Variants in MEIS2 observed in about 807,000 individuals in gnomAD.
MEIS2 encodes the protein Meis homeobox 2.
Under a neutral mutation model 58.6 loss-of-function variants are expected in MEIS2, and 9 were observed. The observed-to-expected ratio is 0.15, with a 90% CI of 0.09 to 0.27. The LOEUF is 0.27. Among genes scored for constraint, MEIS2 ranks in the 10% least tolerant of loss-of-function variants. The pLI, the probability that MEIS2 is intolerant of heterozygous loss-of-function variation, is 1.00. For synonymous variants in MEIS2, 221 were observed against 228.4 expected (o/e 0.97, Z 0.29); for missense variants, 427 against 635.0 (o/e 0.67, Z 3.52).
chr15:37,076,184 C>T (rs1319840586), intron 7 of MEIS2, among the ~76,000 whole-genome samples: 1 of 151,928 alleles, frequency 6.6e-6, no homozygotes, highest in Non-Finnish European at 1.5e-5. Context: ...AAGTGATTCT[C>T]CTACTACCCT....
rs376517593 is a variant in MEIS2 at position 37,051,411 on chromosome 15, A to G, written c.755-14452T>C. 9.8e-5 allele frequency among the ~76,000 whole-genome samples: 15 copies of G among 152,342 alleles called. No individual in the cohort carries two copies. The East Asian group carries it at 2.5e-3, about 25-fold the overall frequency. On this transcript the variant is annotated intron_variant, in intron 7 of 11. Transcript: ENST00000561208. Reference sequence around the variant, plus strand: ...AATATATTAAATTCTAGAAAATGCAAACTTATACATAATGACCAAAAGCAG... The same window carrying G: ...AATATATTAAATTCTAGAAAATGCAGACTTATACATAATGACCAAAAGCAG...
intron 8 of MEIS2, among the ~76,000 whole-genome samples, chr15:37,021,642 G>A (rs2061531010): frequency 6.6e-6 from 1 of 152,082 alleles, no homozygotes; most frequent in Non-Finnish European, 1.5e-5. Context: ...CAACCCCTTG[G>A]TGGGTTTCCA....
intron 8 of MEIS2, among the ~76,000 whole-genome samples, chr15:36,990,805 G>T (rs958576649): frequency 1.3e-5 from 2 of 151,754 alleles, no homozygotes; most frequent in African/African-American, 4.8e-5. Flanking sequence ...AGGGGGATAG[G>T]GCTTTTCAGG....
chr15:37,093,811 C>G, intron 5 of MEIS2, 81 bp from the exon 6 acceptor site: 4 of 1,579,452 alleles, frequency 2.5e-6, no homozygotes, highest in Non-Finnish European at 3.5e-6. Flanking sequence ...AGGAAAAATA[C>G]CAGGTTGCAA....
At chr15:37,078,535 A>C (rs1891727980) in intron 7 of MEIS2, among the ~76,000 whole-genome samples, 2 of 139,014 alleles carry the variant, frequency 1.4e-5, no homozygotes, top group South Asian at 4.6e-4. Flanking sequence ...TTTTAAAAAA[A>C]TCTAAATAAT....
intron 7 of MEIS2, among the ~76,000 whole-genome samples, chr15:37,067,737 A>C (rs1032011838): frequency 6.6e-6 from 1 of 152,136 alleles, no homozygotes; most frequent in African/African-American, 2.4e-5. Flanking sequence ...AACCCTGCCC[A>C]TGTTTGTATG....
At chr15:37,086,087 A>T (rs1892847977) in intron 6 of MEIS2, among the ~76,000 whole-genome samples, 1 of 152,242 alleles carries the variant, frequency 6.6e-6, no homozygotes, top group Admixed American at 6.5e-5. Context: ...CACAGCAATG[A>T]TGTTAATTTT....
chr15:36,903,123 TA>T (rs1308433159), intron 9 of MEIS2, among the ~76,000 whole-genome samples: 6 of 152,324 alleles, frequency 3.9e-5, no homozygotes, highest in African/African-American at 1.4e-4. Context: ...AATTATCTTT[TA>T]TTTCCTTTAC....
At chr15:37,075,077 T>A (rs900440769) in intron 7 of MEIS2, among the ~76,000 whole-genome samples, 1 of 152,008 alleles carries the variant, frequency 6.6e-6, no homozygotes, top group Non-Finnish European at 1.5e-5. Context: ...ATGACTTCCA[T>A]GAGGTCAATC....
intron 9 of MEIS2, among the ~76,000 whole-genome samples, chr15:36,943,493 C>A (rs534000638): frequency 6.6e-5 from 10 of 152,008 alleles, no homozygotes; most frequent in Non-Finnish European, 1.2e-4. Flanking sequence ...AGAGACTCTG[C>A]AAAAAATGGT....
chr15:36,983,791 C>T (rs1003774727), intron 8 of MEIS2, among the ~76,000 whole-genome samples: 8 of 151,964 alleles, frequency 5.3e-5, no homozygotes, highest in Admixed American at 3.3e-4. Flanking sequence ...GTATATCTTC[C>T]CATTTATTTG....
intron 8 of MEIS2, among the ~76,000 whole-genome samples, chr15:36,980,575 C>T (rs2059900126): frequency 6.6e-6 from 1 of 152,114 alleles, no homozygotes; most frequent in African/African-American, 2.4e-5. Flanking sequence ...CAATTACTTC[C>T]CACTGGGTCC....
chr15:36,991,073 T>C (rs2060254707), intron 8 of MEIS2, among the ~76,000 whole-genome samples: 1 of 152,178 alleles, frequency 6.6e-6, no homozygotes, highest in Admixed American at 6.5e-5. Context: ...TATTTAACAT[T>C]TGAGTATGTC....
chr15:36,940,615 A>G (rs954487826), intron 9 of MEIS2, among the ~76,000 whole-genome samples: 1 of 152,228 alleles, frequency 6.6e-6, no homozygotes, highest in African/African-American at 2.4e-5. Context: ...AACTACACAT[A>G]ACTCGGTTGA....
chr15:37,038,487 T>A lies in MEIS2; in HGVS notation c.755-1528A>T, dbSNP rs575552460. 3.9e-5 allele frequency among the ~76,000 whole-genome samples: 6 copies of A among 152,318 alleles called. No homozygotes were observed. The South Asian group carries it at 1.2e-3, about 32-fold the overall frequency. ...CAGATTAATTTTATTGACATTTCCA[T>A]TTTCACTGCAATGCGATACCCTCCA... On this transcript the variant is annotated intron_variant, in intron 7 of 11. Transcript: ENST00000561208.
intron 8 of MEIS2, among the ~76,000 whole-genome samples, chr15:36,995,536 A>G (rs2060445411): frequency 6.6e-6 from 1 of 151,424 alleles, no homozygotes; most frequent in Non-Finnish European, 1.5e-5. Flanking sequence ...TTTAAAAATT[A>G]ATTGATCTCT....
At chr15:36,964,168 C>T (rs2059282363) in intron 8 of MEIS2, among the ~76,000 whole-genome samples, 1 of 152,200 alleles carries the variant, frequency 6.6e-6, no homozygotes, top group South Asian at 2.1e-4. Flanking sequence ...TTTCTGATTT[C>T]TTTATGAACA....
intron 7 of MEIS2, among the ~76,000 whole-genome samples, chr15:37,041,768 A>T (rs1052390498): frequency 3.9e-5 from 6 of 152,180 alleles, no homozygotes; most frequent in Non-Finnish European, 7.3e-5. Flanking sequence ...GACCAGGCTT[A>T]ATAGTTAAAT....
chr15:37,096,534 T>C, intron 2 of MEIS2, 104 bp from the exon 3 acceptor site: 2 of 1,386,278 alleles, frequency 1.4e-6, no homozygotes, highest in South Asian at 2.7e-5. Context: ...AGTCCTTCTT[T>C]AATACAACAG....
Sources: gnomAD v4.1 joint callset for allele counts (sites outside exome capture counted in the v4.1 genomes callset) on GRCh38, gnomAD v4.1.1 for gene constraint, MANE v1.5 for transcripts, NCBI Gene and HGNC (gene_info 2026-07-23, HGNC 2026-07-21) for gene names.